IGSF21: variants seen among roughly 807,000 people sequenced by gnomAD.
The protein encoded by IGSF21 is immunoglobin superfamily member 21.
Under a neutral mutation model 46.8 loss-of-function variants are expected in IGSF21, and 28 were observed. The observed-to-expected ratio is 0.60, with a 90% CI of 0.44 to 0.82. The LOEUF (loss-of-function observed/expected upper bound fraction) is 0.82. IGSF21 is among the 40% of genes least tolerant of loss of function. The pLI is 0.00. For missense variants in IGSF21, 624 were observed against 665.5 expected, an observed-to-expected ratio of 0.94 and a Z score of 0.69; for synonymous variants, 284 against 273.6, an observed-to-expected ratio of 1.04 and a Z score of -0.38.
chr1:18,308,316 T>A (rs1290372213), intron 3 of IGSF21, among the ~76,000 whole-genome samples: 1 of 152,180 alleles, frequency 6.6e-6, no homozygotes, highest in Non-Finnish European at 1.5e-5. Context: ...CCTATCCACC[T>A]TCTGGCCTTG....
At position 18,130,377 on chromosome 1, in the gene IGSF21, T is replaced by C. The variant is rs186241460; in HGVS notation, c.70+22179T>C. On this transcript the variant is annotated intron_variant, in intron 1 of 9. Transcript: ENST00000251296. ...GAAACGGAGCAGTCAGGATGAACCA[T>C]GAGCACCTACCATTCTGTTCCACCC... is the stretch of plus-strand genomic sequence containing the variant. 2.0e-5 allele frequency among the ~76,000 whole-genome samples: 3 copies of C among 152,302 alleles called. No individual in the cohort carries two copies. In the East Asian group the frequency reaches 5.8e-4, roughly 29 times the overall value.
chr1:18,179,890 C>A (rs2086839831), intron 1 of IGSF21, among the ~76,000 whole-genome samples: 1 of 152,170 alleles, frequency 6.6e-6, no homozygotes. Flanking sequence ...TGTCCTGACC[C>A]CCTTGGCATT....
intron 1 of IGSF21, among the ~76,000 whole-genome samples, chr1:18,154,323 C>T (rs892566315): frequency 6.6e-6 from 1 of 152,094 alleles, no homozygotes; most frequent in African/African-American, 2.4e-5. Context: ...GGCCGCGAGT[C>T]CCATCTCCCA....
intron 7 of IGSF21, 150 bp downstream of exon 7, chr1:18,376,545 G>T: frequency 1.4e-6 from 1 of 734,900 alleles, no homozygotes; most frequent in Non-Finnish European, 2.4e-6. Context: ...GTAATTGGGA[G>T]AATCAGCTCC....
At chr1:18,332,498 C>T (rs1044929293) in intron 3 of IGSF21, among the ~76,000 whole-genome samples, 22 of 147,430 alleles carry the variant, frequency 1.5e-4, no homozygotes, top group Non-Finnish European at 3.1e-4. Flanking sequence ...CTCTGAGTCT[C>T]TTTTTTTTTT....
At position 18,191,836 on chromosome 1, in the gene IGSF21, C is replaced by T. The variant is rs116002884; in HGVS notation, c.71-36062C>T. On this transcript the variant is annotated intron_variant, in intron 1 of 9. Transcript: ENST00000251296. Reference sequence around the variant, plus strand: ...GCAACCTGGGCATCTGCTCTTAGGGCAGTAGGTGGTTCCGGCTGCCTCAGC... The same window carrying T: ...GCAACCTGGGCATCTGCTCTTAGGGTAGTAGGTGGTTCCGGCTGCCTCAGC... Among the ~76,000 whole-genome samples, 376 of 152,284 alleles carry T rather than the reference C, an allele frequency of 2.5e-3. 1 individual carries two copies. Among genetic ancestry groups the T allele is most frequent in the African/African-American group, 8.9e-3 (370 of 41,560 alleles).
rs566113197 is a variant in IGSF21 at position 18,218,508 on chromosome 1, A to G, written c.71-9390A>G. Among the ~76,000 whole-genome samples, 22 of 152,240 alleles carry G rather than the reference A, an allele frequency of 1.4e-4. 1 individual carries two copies. Among genetic ancestry groups the G allele is most frequent in the Admixed American group, 1.4e-3 (22 of 15,284 alleles). ...CCTCATTTCATCTTTCACTAATTCA[A>G]ATATAAAACCTAGGCAGAATATATG... On this transcript the variant is annotated intron_variant, in intron 1 of 9. Transcript: ENST00000251296.
chr1:18,334,501 G>A lies in IGSF21; in HGVS notation c.306-391G>A, dbSNP rs541388273. ...GGCCGTCATGAGGAAAGAGGGAGCC[G>A]ATGCCTCCAGTGACAGTTTTGGTCC... On this transcript the variant is annotated intron_variant, in intron 3 of 9. Coordinates refer to ENST00000251296, the MANE Select transcript of IGSF21 (RefSeq NM_032880.5). The surrounding 1 kb of genome is among the most constrained non-coding windows in gnomAD (Gnocchi z 4.3). Among the ~76,000 whole-genome samples, 42 of 152,210 alleles carry A rather than the reference G, an allele frequency of 2.8e-4. No individual in the cohort carries two copies. Among genetic ancestry groups the A allele is most frequent in the Non-Finnish European group, 2.5e-4 (17 of 68,010 alleles).
intron 3 of IGSF21, among the ~76,000 whole-genome samples, chr1:18,298,920 T>C (rs1360186907): frequency 6.6e-6 from 1 of 152,154 alleles, no homozygotes; most frequent in African/African-American, 2.4e-5. Flanking sequence ...ACTTGGCATT[T>C]AGAAAGGAAC....
intron 1 of IGSF21, among the ~76,000 whole-genome samples, chr1:18,173,698 G>A (rs2086764989): frequency 6.6e-6 from 1 of 152,198 alleles, no homozygotes; most frequent in Admixed American, 6.5e-5. Flanking sequence ...TGAGGAAATA[G>A]CAGATGTGGA....
At chr1:18,336,324 G>A (rs1186577347) in intron 4 of IGSF21, among the ~76,000 whole-genome samples, 2 of 152,200 alleles carry the variant, frequency 1.3e-5, no homozygotes, top group Non-Finnish European at 2.9e-5. Flanking sequence ...AGGGGACTCA[G>A]GGAAGGCCCC....
chr1:18,216,197 AGAG>A (rs1294545136), intron 1 of IGSF21, among the ~76,000 whole-genome samples: 1 of 150,170 alleles, frequency 6.7e-6, no homozygotes, highest in East Asian at 2.0e-4. Flanking sequence ...AGGTGAACTC[AGAG>A]GAGAAGGGTG....
chr1:18,199,006 C>A (rs990081915), intron 1 of IGSF21, among the ~76,000 whole-genome samples: 6 of 152,132 alleles, frequency 3.9e-5, no homozygotes, highest in African/African-American at 1.4e-4. Context: ...TCTTTCTCCC[C>A]TGCCCATCTC....
At chr1:18,190,524 C>T (rs1461826736) in intron 1 of IGSF21, among the ~76,000 whole-genome samples, 1 of 152,168 alleles carries the variant, frequency 6.6e-6, no homozygotes, top group Non-Finnish European at 1.5e-5. Flanking sequence ...GAGAAAGTCA[C>T]AGAGAAGGGA....
intron 3 of IGSF21, among the ~76,000 whole-genome samples, chr1:18,317,818 T>C (rs1326128477): frequency 6.6e-6 from 1 of 152,214 alleles, no homozygotes; most frequent in Non-Finnish European, 1.5e-5. Context: ...CCTAAGTGCC[T>C]TCTGTGTATT....
At chr1:18,340,526 C>T (rs577536928) in intron 4 of IGSF21, among the ~76,000 whole-genome samples, 3 of 152,330 alleles carry the variant, frequency 2.0e-5, no homozygotes, top group East Asian at 3.9e-4. Context: ...AGACAAGGTC[C>T]TTGCTCCCTG....
At chr1:18,214,270 G>A (rs2084420823) in intron 1 of IGSF21, among the ~76,000 whole-genome samples, 1 of 152,154 alleles carries the variant, frequency 6.6e-6, no homozygotes, top group Admixed American at 6.5e-5. Flanking sequence ...GGCAGGGGAT[G>A]GATGCCAGAA....
At chr1:18,233,887 C>T (rs990292109) in intron 2 of IGSF21, among the ~76,000 whole-genome samples, 4 of 152,144 alleles carry the variant, frequency 2.6e-5, no homozygotes, top group African/African-American at 9.7e-5. Flanking sequence ...AAACAGGGAG[C>T]TATTTCAAAA....
intron 3 of IGSF21, among the ~76,000 whole-genome samples, chr1:18,305,972 C>T (rs1174054846): frequency 6.6e-6 from 1 of 152,222 alleles, no homozygotes; most frequent in Non-Finnish European, 1.5e-5. Flanking sequence ...CTATAGTTTT[C>T]TTTCCAGCTC....
Sources: allele counts gnomAD v4.1 joint callset (sites outside exome capture counted in the v4.1 genomes callset), GRCh38; gene constraint gnomAD v4.1.1; non-coding constraint Gnocchi (gnomAD v3.1); transcripts MANE v1.5; gene names NCBI Gene and HGNC (gene_info 2026-07-23, HGNC 2026-07-21).